Variants in FAF1 observed in about 807,000 individuals in gnomAD.
The protein encoded by FAF1 is Fas associated factor 1, also known as FAS-associated factor 1.
In FAF1, 25 loss-of-function variants were observed where a neutral mutation model predicts 92.5. The observed-to-expected ratio is 0.27, with a 90% confidence interval of 0.20 to 0.38. The LOEUF (loss-of-function observed/expected upper bound fraction) is 0.38. Among genes scored for constraint, FAF1 ranks in the 10% least tolerant of loss-of-function variants. The pLI, the probability that FAF1 is intolerant of heterozygous loss-of-function variation, is 1.00. For synonymous variants in FAF1, 234 were observed against 273.2 expected (o/e 0.86, Z 1.42); for missense variants, 636 against 793.3 (o/e 0.80, Z 2.38).
chr1:50,882,745 G>A (rs1461310090), intron 1 of FAF1, among the ~76,000 whole-genome samples: 1 of 151,918 alleles, frequency 6.6e-6, no homozygotes, highest in East Asian at 1.9e-4. Flanking sequence ...CAGCACTTTG[G>A]GAGGCCAACG....
chr1:50,445,138 G>A (rs1646213508), intron 18 of FAF1, among the ~76,000 whole-genome samples: 1 of 152,064 alleles, frequency 6.6e-6, no homozygotes, highest in South Asian at 2.1e-4. Context: ...TGTTACATGG[G>A]TATGTTCTTT....
Position 50,917,126 on chromosome 1 carries a change from A to T in FAF1, c.45+42641T>A, listed in dbSNP as rs570079159. Among the ~76,000 whole-genome samples, 13 of 152,310 alleles carry T rather than the reference A, an allele frequency of 8.5e-5. No homozygotes were observed. The South Asian group carries it at 2.7e-3, about 32-fold the overall frequency. On this transcript the variant is annotated intron_variant, in intron 1 of 18. Coordinates refer to ENST00000396153, the MANE Select transcript of FAF1 (RefSeq NM_007051.3). ...GGTAAACAGCAAAACTTAAAATCCA[A>T]ACTATTTTTAAAAAGTATTCTCATC...
intron 18 of FAF1, among the ~76,000 whole-genome samples, chr1:50,462,546 A>G (rs1214062450): frequency 6.6e-6 from 1 of 152,218 alleles, no homozygotes; most frequent in Non-Finnish European, 1.5e-5. Flanking sequence ...TTTTTAAAGT[A>G]GCCAATTTGA....
At chr1:50,883,606 A>G (rs1197945299) in intron 1 of FAF1, among the ~76,000 whole-genome samples, 1 of 152,160 alleles carries the variant, frequency 6.6e-6, no homozygotes, top group Admixed American at 6.5e-5. Flanking sequence ...CTCACAAGTT[A>G]ATGTTATTCC....
chr1:50,756,383 C>G (rs753770851), intron 4 of FAF1, among the ~76,000 whole-genome samples: 3 of 152,230 alleles, frequency 2.0e-5, no homozygotes, highest in Non-Finnish European at 4.4e-5. Flanking sequence ...TCATCTCCAT[C>G]TAAGACCACC....
intron 15 of FAF1, among the ~76,000 whole-genome samples, chr1:50,494,478 C>A (rs1646876085): frequency 1.3e-5 from 2 of 152,164 alleles, no homozygotes; most frequent in Non-Finnish European, 1.5e-5. Flanking sequence ...GGTAGAACAA[C>A]TGGATTATGA....
At chr1:50,908,457 A>G (rs1185890858) in intron 1 of FAF1, among the ~76,000 whole-genome samples, 1 of 152,070 alleles carries the variant, frequency 6.6e-6, no homozygotes, top group African/African-American at 2.4e-5. Context: ...GATCTGTCTA[A>G]TGTTGATAGT....
intron 2 of FAF1, among the ~76,000 whole-genome samples, chr1:50,809,388 G>A (rs1490868196): frequency 6.6e-6 from 1 of 151,902 alleles, no homozygotes; most frequent in Non-Finnish European, 1.5e-5. Flanking sequence ...AGAAAAAAAA[G>A]ATAAAAGCTC....
chr1:50,539,641 C>T lies in FAF1; in HGVS notation c.1356G>A (p.Leu452=). The change falls in exon 14 of 19, where the codon CTG becomes CTA. Residue 452 remains leucine, a synonymous_variant. Transcript: ENST00000396153. ...TQKTDQFPLF[L]IIMGKRSSNE... ...TAGATGATCGCTTTCCCATAATAAT[C>T]AGGAAAAGCGGAAACTGATCCGTTT... is the stretch of plus-strand genomic sequence containing the variant. The T allele has an allele frequency of 6.2e-7, 1 of 1,612,070 alleles. No homozygotes were observed. Among genetic ancestry groups the T allele is most frequent in the Non-Finnish European group, 8.5e-7 (1 of 1,178,466 alleles).
At chr1:50,641,085 G>C (rs1033419372) in intron 8 of FAF1, among the ~76,000 whole-genome samples, 16 of 152,094 alleles carry the variant, frequency 1.1e-4, no homozygotes, top group African/African-American at 3.9e-4. Context: ...ACCTGCCTCA[G>C]CCTCCTAAAG....
chr1:50,523,419 T>C (rs994814413), intron 15 of FAF1, among the ~76,000 whole-genome samples: 1 of 152,190 alleles, frequency 6.6e-6, no homozygotes, highest in Non-Finnish European at 1.5e-5. Context: ...TACATCCTCA[T>C]AAATTCTTAT....
intron 1 of FAF1, among the ~76,000 whole-genome samples, chr1:50,929,276 T>A (rs1267459599): frequency 6.6e-6 from 1 of 152,154 alleles, no homozygotes; most frequent in African/African-American, 2.4e-5. Context: ...ATACAATTTA[T>A]ACATAGGAAA....
chr1:50,913,300 CT>C (rs1644898980), intron 1 of FAF1, among the ~76,000 whole-genome samples: 2 of 152,198 alleles, frequency 1.3e-5, no homozygotes, highest in African/African-American at 4.8e-5. Flanking sequence ...TTCTTTTGCA[CT>C]GCTCAGATAT....
At chr1:50,504,633 T>C (rs1227600806) in intron 15 of FAF1, among the ~76,000 whole-genome samples, 1 of 152,216 alleles carries the variant, frequency 6.6e-6, no homozygotes, top group East Asian at 1.9e-4. Context: ...CAACATCAAT[T>C]TCAAATGGTA....
chr1:50,901,792 G>A (rs1644799234), intron 1 of FAF1, among the ~76,000 whole-genome samples: 1 of 152,108 alleles, frequency 6.6e-6, no homozygotes, highest in Non-Finnish European at 1.5e-5. Flanking sequence ...TTGAACCCAG[G>A]AGGCAGAGGC....
At chr1:50,744,085 T>G (rs1243397166) in intron 5 of FAF1, among the ~76,000 whole-genome samples, 2 of 151,782 alleles carry the variant, frequency 1.3e-5, no homozygotes, top group East Asian at 3.9e-4. Flanking sequence ...AAAAAGTGTG[T>G]AAAAAATGTT....
intron 7 of FAF1, among the ~76,000 whole-genome samples, chr1:50,675,743 T>C (rs866713050): frequency 2.9e-4 from 44 of 152,172 alleles, no homozygotes; most frequent in African/African-American, 1.0e-3. Flanking sequence ...AAAGACACAA[T>C]AGTCTTGCCT....
At chr1:50,560,295 A>G (rs1233615245) in intron 13 of FAF1, among the ~76,000 whole-genome samples, 2 of 152,244 alleles carry the variant, frequency 1.3e-5, no homozygotes. Context: ...CCAAAGATTA[A>G]GTAATGTGGA....
intron 15 of FAF1, among the ~76,000 whole-genome samples, chr1:50,503,617 TAAA>T (rs780355888): frequency 2.3e-5 from 3 of 128,578 alleles, no homozygotes; most frequent in Non-Finnish European, 3.3e-5. Flanking sequence ...CCTGTCTCTT[TAAA>T]AAAAAAAAAA....
Sources: gnomAD v4.1 joint callset for allele counts (sites outside exome capture counted in the v4.1 genomes callset) on GRCh38, gnomAD v4.1.1 for gene constraint, MANE v1.5 for transcripts, NCBI Gene and HGNC (gene_info 2026-07-23, HGNC 2026-07-21) for gene names.